DACH2: variants seen among roughly 807,000 people sequenced by gnomAD.
DACH2 encodes the protein dachshund homolog 2.
Under a neutral mutation model 35.8 loss-of-function variants are expected in DACH2, and 17 were observed. The ratio of observed to expected loss-of-function variants is 0.48; its 90% CI spans 0.33 to 0.71. DACH2 has a LOEUF of 0.71. DACH2 is among the 30% of genes least tolerant of loss of function. DACH2 has a pLI of 0.02. For synonymous variants in DACH2, 195 were observed against 177.3 expected (o/e 1.10, Z -0.79); for missense variants, 469 against 472.7 (o/e 0.99, Z 0.07).
chrX:86,449,186 CT>C (rs2037319884), intron 2 of DACH2, among the ~76,000 whole-genome samples: 1 of 56,775 alleles, frequency 1.8e-5, no homozygotes, highest in Admixed American at 2.3e-4. Flanking sequence ...ATTCTTCTCT[CT>C]TTTTTTCTTT....
intron 1 of DACH2, among the ~76,000 whole-genome samples, chrX:86,215,255 G>T (rs2032541882): frequency 9.0e-6 from 1 of 111,513 alleles, no homozygotes. Flanking sequence ...AGGAATTTTT[G>T]ACCATGTAAG....
chrX:86,435,487 T>C (rs1336310330), intron 2 of DACH2, among the ~76,000 whole-genome samples: 1 of 111,904 alleles, frequency 8.9e-6, no homozygotes, highest in Non-Finnish European at 1.9e-5. Context: ...CAAAATTGAA[T>C]CAAAGCAAAT....
At chrX:86,754,727 T>A (rs901406686) in intron 7 of DACH2, among the ~76,000 whole-genome samples, 5 of 111,665 alleles carry the variant, frequency 4.5e-5, no homozygotes, top group Non-Finnish European at 9.4e-5. Flanking sequence ...TTACCTCCAA[T>A]TCCATCCATG....
At chrX:86,325,908 A>T (rs773598783) in intron 1 of DACH2, among the ~76,000 whole-genome samples, 1 of 108,642 alleles carries the variant, frequency 9.2e-6, no homozygotes, top group African/African-American at 3.5e-5. Context: ...TAAATCAGTT[A>T]AATCAGTTTT....
chrX:86,289,611 C>T (rs1224585244), intron 1 of DACH2, among the ~76,000 whole-genome samples: 2 of 87,856 alleles, frequency 2.3e-5, no homozygotes, highest in African/African-American at 8.5e-5. Context: ...GTGATGTTCC[C>T]CTTCCTGTGT....
intron 3 of DACH2, among the ~76,000 whole-genome samples, chrX:86,556,594 CT>C (rs2039122151): frequency 9.3e-6 from 1 of 107,051 alleles, no homozygotes; most frequent in African/African-American, 3.4e-5. Flanking sequence ...CTTGATGCAC[CT>C]TTAGCCAGAT....
intron 1 of DACH2, among the ~76,000 whole-genome samples, chrX:86,246,698 G>A (rs1350346931): frequency 2.7e-5 from 3 of 112,122 alleles, no homozygotes; most frequent in Non-Finnish European, 5.6e-5. Flanking sequence ...ACAGTTACCA[G>A]CCACCACGAA....
intron 3 of DACH2, among the ~76,000 whole-genome samples, chrX:86,548,886 A>G (rs1424484729): frequency 8.9e-6 from 1 of 112,150 alleles, no homozygotes. Flanking sequence ...TGGGGCAATC[A>G]AAAACCTGAA....
chrX:86,823,102 G>A (rs185267330), intron 11 of DACH2, among the ~76,000 whole-genome samples: 4 of 110,627 alleles, frequency 3.6e-5, no homozygotes, highest in Non-Finnish European at 7.6e-5. Flanking sequence ...ACAGGTGTGG[G>A]CCACCACACT....
chrX:86,442,218 G>C (rs983876377), intron 2 of DACH2, among the ~76,000 whole-genome samples: 3 of 109,694 alleles, frequency 2.7e-5, no homozygotes, highest in Non-Finnish European at 1.9e-5. Flanking sequence ...TGAAGTGATC[G>C]CTCATTGTGG....
chrX:86,149,805 C>T (rs242846), intron 1 of DACH2, among the ~76,000 whole-genome samples: 24,199 of 111,633 alleles, frequency 0.22, 3,646 homozygotes, highest in African/African-American at 0.54. Flanking sequence ...CGACAAATAT[C>T]ACTTTCCTGG....
chrX:86,484,563 C>T (rs1381031823), intron 2 of DACH2, among the ~76,000 whole-genome samples: 1 of 112,097 alleles, frequency 8.9e-6, no homozygotes, highest in African/African-American at 3.2e-5. Flanking sequence ...TTCAAAGGCG[C>T]TCTGACTTAT....
chrX:86,459,444 G>T (rs2037530391), intron 2 of DACH2, among the ~76,000 whole-genome samples: 1 of 111,445 alleles, frequency 9.0e-6, no homozygotes, highest in Non-Finnish European at 1.9e-5. Flanking sequence ...GTTTGTACCT[G>T]GAACCATGTT....
intron 3 of DACH2, among the ~76,000 whole-genome samples, chrX:86,581,632 A>T (rs1027358255): frequency 8.9e-6 from 1 of 111,865 alleles, no homozygotes; most frequent in Non-Finnish European, 1.9e-5. Context: ...AGAAAAAAAA[A>T]TAAAAAATTG....
At chrX:86,269,820 T>C (rs1473725394) in intron 1 of DACH2, among the ~76,000 whole-genome samples, 2 of 109,769 alleles carry the variant, frequency 1.8e-5, no homozygotes, top group Admixed American at 9.9e-5. Flanking sequence ...TGTTAAAAAG[T>C]ACTCTGAGGC....
At chrX:86,771,592 T>C (rs2041988233) in intron 7 of DACH2, among the ~76,000 whole-genome samples, 1 of 112,076 alleles carries the variant, frequency 8.9e-6, no homozygotes, top group Non-Finnish European at 1.9e-5. Flanking sequence ...ACTAGATTGC[T>C]ATTTGATTGA....
chrX:86,469,172 G>A (rs1165207517), intron 2 of DACH2, among the ~76,000 whole-genome samples: 2 of 111,011 alleles, frequency 1.8e-5, no homozygotes. Flanking sequence ...TAAAATCACG[G>A]AGTAAAATGG....
chrX:86,796,757 G>T (rs2042243055), intron 7 of DACH2, among the ~76,000 whole-genome samples: 1 of 111,917 alleles, frequency 8.9e-6, no homozygotes, highest in Non-Finnish European at 1.9e-5. Context: ...TTCATGTGAA[G>T]TATATCTTAA....
chrX:86,632,496 A>G (rs1351356731), intron 3 of DACH2, among the ~76,000 whole-genome samples: 1 of 77,561 alleles, frequency 1.3e-5, no homozygotes, highest in African/African-American at 3.9e-5. Context: ...ATACACATGC[A>G]CACACACACA....
Sources: gnomAD v4.1 joint callset for allele counts (sites outside exome capture counted in the v4.1 genomes callset) on GRCh38, gnomAD v4.1.1 for gene constraint, MANE v1.5 for transcripts, NCBI Gene and HGNC (gene_info 2026-07-23, HGNC 2026-07-21) for gene names.